Variants in TMTC2 observed in about 807,000 individuals in gnomAD.
TMTC2 encodes the protein transmembrane O-mannosyltransferase targeting cadherins 2.
TMTC2 carries 43 observed loss-of-function variants against 82.4 expected under a neutral mutation model. That is an observed-to-expected ratio of 0.52 (90% CI 0.41 to 0.67). TMTC2 has a LOEUF of 0.67. Among genes scored for constraint, TMTC2 ranks in the 30% least tolerant of loss-of-function variants. TMTC2 has a pLI of 0.00. For synonymous variants in TMTC2, 408 were observed against 381.9 expected, an observed-to-expected ratio of 1.07 and a Z score of -0.80; for missense variants, 919 against 1,012.4, an observed-to-expected ratio of 0.91 and a Z score of 1.25.
At chr12:82,709,573 G>A (rs192125601) in intron 1 of TMTC2, among the ~76,000 whole-genome samples, 76 of 152,212 alleles carry the variant, frequency 5.0e-4, no homozygotes, top group Non-Finnish European at 8.7e-4. Flanking sequence ...TTTTCAGTAA[G>A]AGTCTATTAA....
chr12:82,921,540 A>G (rs970638560), intron 3 of TMTC2, among the ~76,000 whole-genome samples: 4 of 152,100 alleles, frequency 2.6e-5, no homozygotes, highest in African/African-American at 7.2e-5. Context: ...TTAGGCTGTC[A>G]CAGTGCTGCA....
rs145974005 is a variant in TMTC2, at chr12:82,875,431, T to C, written c.654+17851T>C. On this transcript the variant is annotated intron_variant, in intron 2 of 11. Transcript: ENST00000321196. ...CAAATCCTTAGAGCAGTATGATTTGTCCAGGCTGAGCCTGAGCGTGCAAGA... is the reference window on the plus strand; with the variant it reads ...CAAATCCTTAGAGCAGTATGATTTGCCCAGGCTGAGCCTGAGCGTGCAAGA... Among the ~76,000 whole-genome samples, 1,022 of 151,788 alleles carry C rather than the reference T, an allele frequency of 6.7e-3. 12 individuals carry two copies. Among genetic ancestry groups the C allele is most frequent in the African/African-American group, 0.023 (945 of 41,070 alleles).
intron 8 of TMTC2, among the ~76,000 whole-genome samples, chr12:83,015,372 T>G (rs1179438526): frequency 6.6e-6 from 1 of 152,218 alleles, no homozygotes; most frequent in Non-Finnish European, 1.5e-5. Flanking sequence ...TTGGTGAAAA[T>G]TCTCTGATGA....
At chr12:82,781,537 A>G (rs975026446) in intron 1 of TMTC2, among the ~76,000 whole-genome samples, 6 of 150,306 alleles carry the variant, frequency 4.0e-5, no homozygotes, top group Non-Finnish European at 7.4e-5. Context: ...TGCTAATTGT[A>G]TTCTGTAATT....
At chr12:82,903,033 C>G (rs1874103592) in intron 3 of TMTC2, among the ~76,000 whole-genome samples, 2 of 152,314 alleles carry the variant, frequency 1.3e-5, no homozygotes, top group Admixed American at 6.5e-5. Flanking sequence ...CTGCTGGCCT[C>G]TTTGATGTGC....
chr12:82,752,588 G>A (rs1337014090), intron 1 of TMTC2, among the ~76,000 whole-genome samples: 4 of 152,078 alleles, frequency 2.6e-5, no homozygotes, highest in Middle Eastern at 3.4e-3. Context: ...GGGGAGTGGC[G>A]ATTCTTTTGG....
chr12:83,105,451 C>T (rs1034847908), intron 11 of TMTC2, among the ~76,000 whole-genome samples: 5 of 152,120 alleles, frequency 3.3e-5, no homozygotes, highest in African/African-American at 1.2e-4. Context: ...AGCATGGTGC[C>T]GGCATCTGCT....
intron 1 of TMTC2, among the ~76,000 whole-genome samples, chr12:82,808,033 T>G (rs1263350312): frequency 1.3e-5 from 2 of 151,896 alleles, no homozygotes; most frequent in Non-Finnish European, 2.9e-5. Flanking sequence ...GATGCAGAAA[T>G]TGGCATCTCT....
chr12:82,821,495 A>G (rs1038287249), intron 1 of TMTC2, among the ~76,000 whole-genome samples: 1 of 152,156 alleles, frequency 6.6e-6, no homozygotes, highest in African/African-American at 2.4e-5. Context: ...CATTTTACAG[A>G]TAAGGAAAAT....
At chr12:83,028,378 G>A (rs1329665227) in intron 8 of TMTC2, among the ~76,000 whole-genome samples, 1 of 152,140 alleles carries the variant, frequency 6.6e-6, no homozygotes, top group African/African-American at 2.4e-5. Context: ...TGAGCAGAAA[G>A]TACAGAGTGT....
chr12:83,087,892 G>A (rs943282025), intron 11 of TMTC2, among the ~76,000 whole-genome samples: 1 of 152,196 alleles, frequency 6.6e-6, no homozygotes, highest in Non-Finnish European at 1.5e-5. Context: ...GTCACCAGTT[G>A]CATTAGCCCC....
chr12:82,765,115 T>C (rs1212043941), intron 1 of TMTC2, among the ~76,000 whole-genome samples: 1 of 152,178 alleles, frequency 6.6e-6, no homozygotes, highest in African/African-American at 2.4e-5. Context: ...TAGCTTTTAA[T>C]CTTGCAGCCA....
In TMTC2 at chr12:82,998,055, A is replaced by T. The variant is rs146175287; in HGVS notation, c.2070+12009A>T. Reference sequence around the variant, plus strand: ...ATACAAAAGTTTTAGAAATAAACATAAGTGAAAGAAACTACTATTTACCTG... The same window carrying T: ...ATACAAAAGTTTTAGAAATAAACATTAGTGAAAGAAACTACTATTTACCTG... On this transcript the variant is annotated intron_variant, in intron 8 of 11. Transcript: ENST00000321196. Among the ~76,000 whole-genome samples the T allele has an allele frequency of 4.2e-3, 634 of 152,308 alleles. 6 individuals are homozygous for T. The highest frequency in any genetic ancestry group is 0.015 in the African/African-American group (610 of 41,578).
At position 82,994,828 on chromosome 12, in the gene TMTC2, G is replaced by A. The variant is rs550601803; in HGVS notation, c.2070+8782G>A. Among the ~76,000 whole-genome samples, 131 of 152,140 alleles carry A rather than the reference G, an allele frequency of 8.6e-4. 1 individual carries two copies. The highest frequency in any genetic ancestry group is 2.9e-3 in the African/African-American group (121 of 41,510). ...ACCATACTAGTGACTGGTGGAAATC[G>A]TTTTTGTTTCAGAAAGCACAATTAT... On this transcript the variant is annotated intron_variant, in intron 8 of 11. Coordinates refer to ENST00000321196, the MANE Select transcript of TMTC2 (RefSeq NM_152588.3).
At chr12:82,752,762 G>T (rs1876086280) in intron 1 of TMTC2, among the ~76,000 whole-genome samples, 1 of 151,882 alleles carries the variant, frequency 6.6e-6, no homozygotes, top group Non-Finnish European at 1.5e-5. Context: ...TTTGGGGTTT[G>T]CTTTAAATAG....
At chr12:82,985,866 C>T (rs1879132463) in intron 7 of TMTC2, 59 bp from the exon 8 acceptor site, 1 of 1,577,808 alleles carries the variant, frequency 6.3e-7, no homozygotes, top group African/African-American at 1.3e-5. Flanking sequence ...GATGCTGTTG[C>T]AAATAATGTG....
chr12:82,998,659 A>ATCCTG (rs1879771744), intron 8 of TMTC2, among the ~76,000 whole-genome samples: 2 of 152,194 alleles, frequency 1.3e-5, no homozygotes, highest in Admixed American at 6.5e-5. Flanking sequence ...ACAGAATAAT[A>ATCCTG]CATCAGAGGA....
chr12:82,757,917 G>A lies in TMTC2; in HGVS notation c.83+70248G>A, dbSNP rs1174402629. Among the ~76,000 whole-genome samples, 4 of 152,148 alleles carry A rather than the reference G, an allele frequency of 2.6e-5. 1 individual carries two copies. Among genetic ancestry groups the A allele is most frequent in the South Asian group, 4.1e-4 (2 of 4,828 alleles). ...ATCACCATAGATAATGACAAGAGAA[G>A]CCCTTCAAGAGTCTGATTGAAATAT... On this transcript the variant is annotated intron_variant, in intron 1 of 11. Transcript: ENST00000321196.
At chr12:82,928,138 G>A (rs1401677595) in intron 3 of TMTC2, among the ~76,000 whole-genome samples, 1 of 151,702 alleles carries the variant, frequency 6.6e-6, no homozygotes, top group East Asian at 2.0e-4. Context: ...ATATTCAAAG[G>A]TATGTCTTTG....
Sources: allele counts gnomAD v4.1 joint callset (sites outside exome capture counted in the v4.1 genomes callset), GRCh38; gene constraint gnomAD v4.1.1; transcripts MANE v1.5; gene names NCBI Gene and HGNC (gene_info 2026-07-23, HGNC 2026-07-21).